The following GRM7 variants were observed in gnomAD, a reference collection of about 807,000 sequenced individuals.
The protein encoded by GRM7 is glutamate metabotropic receptor 7, also known as metabotropic glutamate receptor 7.
Under a neutral mutation model 84.5 loss-of-function variants are expected in GRM7, and 35 were observed. The ratio of observed to expected loss-of-function variants is 0.41; its 90% CI spans 0.32 to 0.55. The LOEUF is 0.55. Among genes scored for constraint, GRM7 ranks in the 20% least tolerant of loss-of-function variants. The pLI is 0.19. For synonymous variants in GRM7, 487 were observed against 455.1 expected, an observed-to-expected ratio of 1.07 and a Z score of -0.89; for missense variants, 1,003 against 1,194.6, an observed-to-expected ratio of 0.84 and a Z score of 2.36.
chr3:7,692,460 C>T (rs966514444), intron 9 of GRM7, among the ~76,000 whole-genome samples: 1 of 152,068 alleles, frequency 6.6e-6, no homozygotes. Context: ...AGAGATCTTC[C>T]TTGATACTTG....
chr3:7,021,257 T>C (rs1294103421), intron 1 of GRM7, among the ~76,000 whole-genome samples: 2 of 152,194 alleles, frequency 1.3e-5, no homozygotes, highest in African/African-American at 4.8e-5. Flanking sequence ...ATCCTGTATA[T>C]GCAGTAGAAC....
chr3:7,258,808 T>A (rs1698302584), intron 2 of GRM7, among the ~76,000 whole-genome samples: 1 of 152,144 alleles, frequency 6.6e-6, no homozygotes, highest in Non-Finnish European at 1.5e-5. Context: ...GATGCCACCC[T>A]AATAACTTGT....
chr3:7,563,505 C>G (rs377495737), intron 7 of GRM7, among the ~76,000 whole-genome samples: 6 of 152,092 alleles, frequency 3.9e-5, no homozygotes, highest in African/African-American at 1.2e-4. Context: ...AGATTTCAAA[C>G]AAGAGAAAGA....
intron 1 of GRM7, among the ~76,000 whole-genome samples, chr3:7,103,798 CTTTCTT>C (rs1559443524): frequency 9.9e-5 from 11 of 111,584 alleles, no homozygotes; most frequent in African/African-American, 4.9e-4. Context: ...TTCTTTCTTT[CTTTCTT>C]TCTTTCTTTC....
intron 2 of GRM7, among the ~76,000 whole-genome samples, chr3:7,288,377 T>C (rs1699503577): frequency 6.6e-6 from 1 of 152,154 alleles, no homozygotes; most frequent in African/African-American, 2.4e-5. Flanking sequence ...AGGAATGTGA[T>C]GCAGGAAAGA....
chr3:7,161,415 A>G (rs1460543784), intron 2 of GRM7, among the ~76,000 whole-genome samples: 1 of 121,650 alleles, frequency 8.2e-6, no homozygotes, highest in African/African-American at 4.1e-5. Flanking sequence ...TTTCTTTGTA[A>G]TGACCTGAAA....
At chr3:7,267,825 G>A (rs532194901) in intron 2 of GRM7, among the ~76,000 whole-genome samples, 1 of 152,144 alleles carries the variant, frequency 6.6e-6, no homozygotes, top group Non-Finnish European at 1.5e-5. Flanking sequence ...TTGCCTGAGG[G>A]TTGGTTTCCT....
chr3:7,476,038 G>A (rs1039563318), intron 7 of GRM7, among the ~76,000 whole-genome samples: 10 of 152,136 alleles, frequency 6.6e-5, no homozygotes, highest in African/African-American at 1.9e-4. Context: ...GTATTCACAC[G>A]TGTAGACTGA....
intron 5 of GRM7, among the ~76,000 whole-genome samples, chr3:7,430,646 T>C (rs961453739): frequency 6.6e-6 from 1 of 152,204 alleles, no homozygotes; most frequent in African/African-American, 2.4e-5. Flanking sequence ...ACAAAACTCT[T>C]GTGCAGAAAT....
intron 1 of GRM7, among the ~76,000 whole-genome samples, chr3:6,982,336 C>T (rs974487014): frequency 2.0e-5 from 3 of 152,092 alleles, no homozygotes; most frequent in African/African-American, 7.2e-5. Flanking sequence ...GTAAAACTAC[C>T]TGTGTGGCAC....
chr3:7,269,281 A>G (rs1698765098), intron 2 of GRM7, among the ~76,000 whole-genome samples: 2 of 152,210 alleles, frequency 1.3e-5, no homozygotes, highest in Admixed American at 1.3e-4. Flanking sequence ...CAAGAAAGCC[A>G]AAGTGGTCAC....
intron 1 of GRM7, among the ~76,000 whole-genome samples, chr3:6,924,202 C>T (rs1309699065): frequency 6.6e-6 from 1 of 152,154 alleles, no homozygotes; most frequent in African/African-American, 2.4e-5. Flanking sequence ...AACTGACTTT[C>T]ATCAGATTTG....
chr3:7,037,548 C>T (rs1243578476), intron 1 of GRM7, among the ~76,000 whole-genome samples: 1 of 152,150 alleles, frequency 6.6e-6, no homozygotes, highest in African/African-American at 2.4e-5. Context: ...TTACTTTTCT[C>T]ACCTTAATTG....
intron 1 of GRM7, among the ~76,000 whole-genome samples, chr3:7,096,970 T>C (rs2125015133): frequency 6.6e-6 from 1 of 152,262 alleles, no homozygotes; most frequent in South Asian, 2.1e-4. Flanking sequence ...GAAACATCAG[T>C]CTCTCACCTT....
intron 8 of GRM7, among the ~76,000 whole-genome samples, chr3:7,622,712 G>T (rs1575565255): frequency 6.6e-6 from 1 of 152,198 alleles, no homozygotes; most frequent in East Asian, 1.9e-4. Flanking sequence ...GTATGTGTAA[G>T]GCTGCCTCGG....
chr3:6,927,774 A>G (rs181996171), intron 1 of GRM7, among the ~76,000 whole-genome samples: 1 of 152,176 alleles, frequency 6.6e-6, no homozygotes, highest in Non-Finnish European at 1.5e-5. Flanking sequence ...CATTTCCCAT[A>G]TGATCTAGTG....
At chr3:7,411,833 T>A (rs755966661) in intron 4 of GRM7, among the ~76,000 whole-genome samples, 1 of 152,176 alleles carries the variant, frequency 6.6e-6, no homozygotes, top group Admixed American at 6.5e-5. Context: ...AATGGCTGGT[T>A]TTTGAAGAAT....
At chr3:7,414,409 G>A (rs1307721602) in intron 4 of GRM7, among the ~76,000 whole-genome samples, 1 of 151,976 alleles carries the variant, frequency 6.6e-6, no homozygotes, top group East Asian at 1.9e-4. Context: ...TTGAGCCTAG[G>A]CCTTGGGACA....
rs1702698288 is a variant in GRM7, at chr3:7,741,507, A to G, written c.*1101A>G. The G allele has an allele frequency of 6.6e-6, 1 of 152,628 alleles. No individual in the cohort carries two copies. Among genetic ancestry groups the G allele is most frequent in the African/African-American group, 2.4e-5 (1 of 41,454 alleles). 9.5% of individuals were successfully genotyped at this position (152,628 alleles called of 1,614,324 possible). Reference sequence around the variant, plus strand: ...CTGTGATATTGTCCAAGAATGTATCAATAAAATACTTTGGTTAACTTTTTT... The same window carrying G: ...CTGTGATATTGTCCAAGAATGTATCGATAAAATACTTTGGTTAACTTTTTT... On this transcript the variant is annotated 3_prime_UTR_variant, in exon 10 of 10. Transcript: ENST00000357716.
Sources: allele counts gnomAD v4.1 joint callset (sites outside exome capture counted in the v4.1 genomes callset), GRCh38; gene constraint gnomAD v4.1.1; transcripts MANE v1.5; gene names NCBI Gene and HGNC (gene_info 2026-07-23, HGNC 2026-07-21).